Variants in PTGER3 observed in about 807,000 individuals in gnomAD.
PTGER3 encodes prostaglandin E receptor 3, also known as prostaglandin E2 receptor EP3 subtype.
PTGER3 carries 22 observed loss-of-function variants against 34.7 expected under a neutral mutation model. That is an observed-to-expected ratio of 0.63 (90% CI 0.45 to 0.91). The LOEUF is 0.91. Ranked by LOEUF, PTGER3 falls within the 40% of genes least tolerant of loss-of-function variation. The pLI is 0.00. For missense variants in PTGER3, 468 were observed against 519.4 expected, an observed-to-expected ratio of 0.90 and a Z score of 0.96; for synonymous variants, 241 against 230.1, an observed-to-expected ratio of 1.05 and a Z score of -0.43.
intron 2 of PTGER3, among the ~76,000 whole-genome samples, chr1:70,980,292 C>T (rs993350553): frequency 1.3e-5 from 2 of 152,040 alleles, no homozygotes; most frequent in Non-Finnish European, 2.9e-5. Context: ...GGATTGATAG[C>T]CAAAAACCTT....
At chr1:70,887,355 A>T (rs745564671) in intron 4 of PTGER3, among the ~76,000 whole-genome samples, 1 of 152,046 alleles carries the variant, frequency 6.6e-6, no homozygotes, top group Admixed American at 6.6e-5. Context: ...GTCTGCTTTG[A>T]TCTCCAAGCT....
At chr1:70,973,406 C>T (rs1653348842) in intron 3 of PTGER3, among the ~76,000 whole-genome samples, 1 of 152,030 alleles carries the variant, frequency 6.6e-6, no homozygotes, top group Admixed American at 6.6e-5. Flanking sequence ...AAGTGGCACA[C>T]TATATATCTC....
At chr1:71,003,682 A>C (rs1034613668) in intron 2 of PTGER3, among the ~76,000 whole-genome samples, 5 of 152,200 alleles carry the variant, frequency 3.3e-5, no homozygotes, top group African/African-American at 1.2e-4. Context: ...TTCTACCTCC[A>C]GTTACATTGA....
intron 4 of PTGER3, among the ~76,000 whole-genome samples, chr1:70,888,786 A>C (rs1316340517): frequency 6.6e-6 from 1 of 152,114 alleles, no homozygotes; most frequent in Non-Finnish European, 1.5e-5. Flanking sequence ...ACTGTGGGGC[A>C]TAAGATGTAG....
At chr1:70,978,822 T>G (rs1025770752) in intron 2 of PTGER3, among the ~76,000 whole-genome samples, 1 of 152,096 alleles carries the variant, frequency 6.6e-6, no homozygotes, top group South Asian at 2.1e-4. Flanking sequence ...AAACTGCACA[T>G]TTTAAAGCTA....
chr1:71,014,973 C>G (rs1005972595), intron 1 of PTGER3, among the ~76,000 whole-genome samples: 3 of 152,220 alleles, frequency 2.0e-5, no homozygotes, highest in African/African-American at 7.2e-5. Context: ...ACAGTACTGT[C>G]CAAACTATTC....
intron 4 of PTGER3, among the ~76,000 whole-genome samples, chr1:70,917,651 T>C (rs1647212384): frequency 1.3e-5 from 2 of 152,018 alleles, no homozygotes; most frequent in South Asian, 4.1e-4. Flanking sequence ...CCATAATGGC[T>C]GTACTAATTT....
exon 4 of PTGER3, chr1:70,952,986 A>G: frequency 6.2e-7 from 1 of 1,613,248 alleles, no homozygotes; most frequent in Non-Finnish European, 8.5e-7. Context: ...TCTGTTCAGC[A>G]CACGATAGGT....
intron 1 of PTGER3, among the ~76,000 whole-genome samples, chr1:71,017,591 C>T (rs1658021175): frequency 6.6e-6 from 1 of 152,064 alleles, no homozygotes; most frequent in Non-Finnish European, 1.5e-5. Context: ...TTCCCCCTTG[C>T]TGTTCTTATA....
At chr1:70,989,773 A>C (rs1655258865) in intron 2 of PTGER3, among the ~76,000 whole-genome samples, 1 of 152,156 alleles carries the variant, frequency 6.6e-6, no homozygotes, top group Non-Finnish European at 1.5e-5. Flanking sequence ...ACATAGCAGC[A>C]TTTACTTTGA....
At chr1:70,958,759 A>G (rs958289959) in intron 2 of PTGER3, among the ~76,000 whole-genome samples, 7 of 152,134 alleles carry the variant, frequency 4.6e-5, no homozygotes, top group African/African-American at 1.7e-4. Context: ...TCCCAGTTCA[A>G]TTTCATGAAG....
chr1:70,859,415 A>G (rs1303011796), intron 4 of PTGER3, among the ~76,000 whole-genome samples: 1 of 151,840 alleles, frequency 6.6e-6, no homozygotes, highest in South Asian at 2.1e-4. Context: ...CTTTTTTTCA[A>G]TTTGTCAATG....
At chr1:70,916,610 C>T (rs1572638513) in intron 4 of PTGER3, among the ~76,000 whole-genome samples, 2 of 152,006 alleles carry the variant, frequency 1.3e-5, no homozygotes, top group South Asian at 4.2e-4. Context: ...GGTCACAATC[C>T]TAAGAGAATT....
chr1:70,857,751 G>T (rs1039533953), intron 4 of PTGER3, among the ~76,000 whole-genome samples: 4 of 152,060 alleles, frequency 2.6e-5, no homozygotes, highest in Admixed American at 6.6e-5. Context: ...AGCCAGGATG[G>T]TCTCGATTTC....
intron 4 of PTGER3, among the ~76,000 whole-genome samples, chr1:70,866,956 T>C (rs2100516725): frequency 6.6e-6 from 1 of 152,336 alleles, no homozygotes; most frequent in East Asian, 1.9e-4. Flanking sequence ...CCTTACCACA[T>C]CAGAGGTGTG....
chr1:71,005,952 T>C (rs760793937), intron 2 of PTGER3: 4 of 597,398 alleles, frequency 6.7e-6, no homozygotes, highest in African/African-American at 4.0e-5. Context: ...ATATAATGTA[T>C]ACTGGTCAGA....
At chr1:70,948,877 G>A (rs1464112557), downstream of PTGER3, among the ~76,000 whole-genome samples, 1 of 152,166 alleles carries the variant, frequency 6.6e-6, no homozygotes, top group Non-Finnish European at 1.5e-5. Context: ...CTCTGTGGAT[G>A]AGTCTCTTCC....
chr1:70,872,069 GAGA>G lies in PTGER3; in HGVS notation c.*24-19213_*24-19211del, dbSNP rs545158192. Among the ~76,000 whole-genome samples the G allele has an allele frequency of 2.8e-4, 43 of 152,284 alleles. No individual in the cohort carries two copies. The East Asian group carries it at 6.7e-3, about 24-fold the overall frequency. On this transcript the variant is annotated intron_variant, in intron 4 of 4. Coordinates refer to the PTGER3 transcript ENST00000370931. ...GTTGAGGGAAGGGAGGGAAGAAAAGGAGAAGAAGTGTGACAGTTGACTTTTTAA... is the reference window on the plus strand; with the variant it reads ...GTTGAGGGAAGGGAGGGAAGAAAAGGAGAAGTGTGACAGTTGACTTTTTAA...
At chr1:70,873,572 T>C (rs1221282313) in intron 4 of PTGER3, among the ~76,000 whole-genome samples, 3 of 148,314 alleles carry the variant, frequency 2.0e-5, no homozygotes, top group South Asian at 4.5e-4. Flanking sequence ...TATTTTATTT[T>C]AATTTTCATA....
Sources: gnomAD v4.1 joint callset for allele counts (sites outside exome capture counted in the v4.1 genomes callset) on GRCh38, gnomAD v4.1.1 for gene constraint, MANE v1.5 for transcripts, NCBI Gene and HGNC (gene_info 2026-07-23, HGNC 2026-07-21) for gene names.